The following DTNA variants were observed in gnomAD, a reference collection of about 807,000 sequenced individuals.
DTNA encodes dystrophin-related protein 3.
A neutral mutation model predicts 100.7 loss-of-function variants in DTNA; 43 were observed. That is an observed-to-expected ratio of 0.43 (90% CI 0.33 to 0.55). DTNA has a LOEUF of 0.55. Ranked by LOEUF, DTNA falls within the 20% of genes least tolerant of loss-of-function variation. DTNA has a pLI of 0.04. For missense variants in DTNA, 798 were observed against 953.9 expected (o/e 0.84, Z 2.15); for synonymous variants, 349 against 347.9 (o/e 1.00, Z -0.04).
intron 1 of DTNA, among the ~76,000 whole-genome samples, chr18:34,589,728 C>T (rs1402533214): frequency 6.6e-6 from 1 of 152,190 alleles, no homozygotes; most frequent in Non-Finnish European, 1.5e-5. Flanking sequence ...CTACGCTTAA[C>T]TATATAACTC....
chr18:34,555,672 G>A (rs1428546369), intron 1 of DTNA, among the ~76,000 whole-genome samples: 6 of 152,160 alleles, frequency 3.9e-5, no homozygotes, highest in African/African-American at 1.4e-4. Context: ...CAGTTTCCAT[G>A]TAGTTGAGCG....
Position 34,554,776 on chromosome 18 carries a change from C to A in DTNA, c.-2+61262C>A, listed in dbSNP as rs1215188442. Among the ~76,000 whole-genome samples the A allele has an allele frequency of 2.8e-5, 4 of 144,552 alleles. No homozygotes were observed. The East Asian group carries it at 7.8e-4, about 28-fold the overall frequency. The allele number at this position is 144,552 out of a possible 152,430, so 94.8% of individuals were successfully genotyped here. On this transcript the variant is annotated intron_variant, in intron 1 of 19. Transcript: ENST00000283365. ...TTGATGTGCTGCTGGATTTGTTTTG[C>A]CAGTATTTTATTGAGGATTTTTGCA...
chr18:34,558,154 T>A (rs1219092111), intron 1 of DTNA: 1 of 153,036 alleles, frequency 6.5e-6, no homozygotes, highest in Admixed American at 6.5e-5. Flanking sequence ...GTCACCCCTT[T>A]CTTTGACTCG....
intron 1 of DTNA, among the ~76,000 whole-genome samples, chr18:34,519,534 A>G (rs1272459963): frequency 2.6e-5 from 4 of 152,186 alleles, no homozygotes; most frequent in Non-Finnish European, 5.9e-5. Context: ...TTGGGACTGC[A>G]TTGAGGACCA....
At chr18:34,840,378 T>C (rs1380304907) in intron 13 of DTNA, among the ~76,000 whole-genome samples, 1 of 152,102 alleles carries the variant, frequency 6.6e-6, no homozygotes, top group Non-Finnish European at 1.5e-5. Flanking sequence ...AACTAAGCAT[T>C]GAATTTTTTT....
chr18:34,633,082 T>C (rs1270261184), intron 1 of DTNA, among the ~76,000 whole-genome samples: 3 of 152,202 alleles, frequency 2.0e-5, no homozygotes, highest in African/African-American at 2.4e-5. Context: ...AAGGAAGATC[T>C]AGAACATTAA....
At position 34,875,225 on chromosome 18, in the gene DTNA, C is replaced by T; in HGVS notation, c.1744-14C>T. On this transcript the variant is annotated splice_polypyrimidine_tract_variant and intron_variant, in intron 17 of 22. Coordinates refer to ENST00000444659, the MANE Select transcript of DTNA (RefSeq NM_001386795.1). ...CTTGGGAAAGCAAATTAATGACCTG[C>T]ATTGTCTCTCCAGACTCAGGGGGCA... The T allele has an allele frequency of 6.2e-7, 1 of 1,613,090 alleles. No individual in the cohort carries two copies. Among genetic ancestry groups the T allele is most frequent in the Non-Finnish European group, 8.5e-7 (1 of 1,179,312 alleles).
intron 1 of DTNA, among the ~76,000 whole-genome samples, chr18:34,636,493 T>TC (rs1208474231): frequency 1.3e-5 from 2 of 152,208 alleles, no homozygotes; most frequent in Non-Finnish European, 2.9e-5. Context: ...AAACCTGTAG[T>TC]TAAAAATTAC....
rs577734061 is a variant in DTNA at position 34,850,585 on chromosome 18, T to C, written c.1435-1246T>C. ...GACATTAAAAAGCAGGACAAGATTC[T>C]CTGCATCTGGCTTAGGCAACAGTTG... is the stretch of plus-strand genomic sequence containing the variant. On this transcript the variant is annotated intron_variant, in intron 14 of 22. Transcript: ENST00000444659. 4.3e-4 allele frequency among the ~76,000 whole-genome samples: 65 copies of C among 152,364 alleles called. No homozygotes were observed. The South Asian group carries it at 0.013, about 32-fold the overall frequency.
intron 1 of DTNA, among the ~76,000 whole-genome samples, chr18:34,560,529 A>C (rs77973497): frequency 0.05 from 7,562 of 152,252 alleles, 220 homozygotes; most frequent in South Asian, 0.082. Flanking sequence ...CATTGAGATG[A>C]GTTTTGTTTC....
At chr18:34,663,405 T>C (rs1392533790) in intron 1 of DTNA, among the ~76,000 whole-genome samples, 1 of 152,178 alleles carries the variant, frequency 6.6e-6, no homozygotes, top group African/African-American at 2.4e-5. Flanking sequence ...GCTCAAGCGA[T>C]TCTCCTGCCT....
At chr18:34,686,502 T>C (rs1316216628) in intron 1 of DTNA, among the ~76,000 whole-genome samples, 1 of 152,232 alleles carries the variant, frequency 6.6e-6, no homozygotes, top group Non-Finnish European at 1.5e-5. Context: ...TTGATTGTGG[T>C]GGATAATCTT....
intron 1 of DTNA, chr18:34,662,898 G>C (rs1212401546): frequency 6.6e-6 from 1 of 152,082 alleles, no homozygotes; most frequent in Non-Finnish European, 1.5e-5. Flanking sequence ...GATTCTTGAG[G>C]TTAAAACTAT....
chr18:34,771,225 C>G (rs1311902986), intron 3 of DTNA, among the ~76,000 whole-genome samples: 1 of 152,142 alleles, frequency 6.6e-6, no homozygotes, highest in Non-Finnish European at 1.5e-5. Flanking sequence ...TAAGTCCAGG[C>G]GTGGTGGCTC....
At chr18:34,532,306 G>A (rs995820300) in intron 1 of DTNA, among the ~76,000 whole-genome samples, 1 of 152,116 alleles carries the variant, frequency 6.6e-6, no homozygotes, top group Non-Finnish European at 1.5e-5. Context: ...GGGGAAGAAG[G>A]CCACTCTAGG....
At chr18:34,596,398 T>C (rs1209243790) in intron 1 of DTNA, among the ~76,000 whole-genome samples, 4 of 152,076 alleles carry the variant, frequency 2.6e-5, no homozygotes, top group Non-Finnish European at 5.9e-5. Context: ...TTTGTATTTT[T>C]AGTAGAGTCG....
At chr18:34,497,462 A>G (rs1431093872) in intron 1 of DTNA, among the ~76,000 whole-genome samples, 5 of 152,170 alleles carry the variant, frequency 3.3e-5, no homozygotes, top group Admixed American at 1.3e-4. Context: ...CTTGCATATC[A>G]TTATCTCCAT....
chr18:34,520,269 A>G (rs1481869984), intron 1 of DTNA, among the ~76,000 whole-genome samples: 1 of 152,210 alleles, frequency 6.6e-6, no homozygotes, highest in African/African-American at 2.4e-5. Flanking sequence ...GCAGTTATCC[A>G]AAGAACACTT....
At chr18:34,677,979 T>A (rs1336853891) in intron 1 of DTNA, among the ~76,000 whole-genome samples, 1 of 152,180 alleles carries the variant, frequency 6.6e-6, no homozygotes, top group East Asian at 1.9e-4. Context: ...AGATGGCTGG[T>A]GAGGCCTCAG....
Sources: allele counts gnomAD v4.1 joint callset (sites outside exome capture counted in the v4.1 genomes callset), GRCh38; gene constraint gnomAD v4.1.1; transcripts MANE v1.5; gene names NCBI Gene and HGNC (gene_info 2026-07-23, HGNC 2026-07-21).